Variants in GAB2 observed in about 807,000 individuals in gnomAD.
The protein encoded by GAB2 is GRB2 associated binding protein 2, also known as GRB2-associated-binding protein 2.
A neutral mutation model predicts 65.5 loss-of-function variants in GAB2; 26 were observed. That is an observed-to-expected ratio of 0.40 (90% CI 0.29 to 0.55). The LOEUF is 0.55. GAB2 is among the 20% of genes least tolerant of loss of function. The probability of loss-of-function intolerance (pLI) is 0.53; values close to 1 mark genes in which losing one functional copy is unlikely to be tolerated. For synonymous variants in GAB2, 321 were observed against 329.6 expected (o/e 0.97, Z 0.28); for missense variants, 884 against 875.8 (o/e 1.01, Z -0.12).
At chr11:78,352,075 T>C (rs929962272) in intron 1 of GAB2, among the ~76,000 whole-genome samples, 1 of 152,068 alleles carries the variant, frequency 6.6e-6, no homozygotes, top group Admixed American at 6.6e-5. Flanking sequence ...TAGCCAAGTG[T>C]GGTGGTGGGC....
chr11:78,233,542 T>C (rs907023447), intron 3 of GAB2, among the ~76,000 whole-genome samples: 1 of 152,232 alleles, frequency 6.6e-6, no homozygotes, highest in Non-Finnish European at 1.5e-5. Context: ...AGAAGTTCTT[T>C]ATATGGACCA....
chr11:78,226,656 A>G lies in GAB2; in HGVS notation c.1016T>C (p.Met339Thr). The G allele has an allele frequency of 6.2e-7, 1 of 1,613,900 alleles. No homozygotes were observed. ...TFTLDKNHNA[M>T]TVATPGDSAI... is the part of the protein sequence containing the mutation. ...TGAGTCCCCAGGAGTGGCCACTGTC[A>G]TGGCATTGTGGTTTTTGTCCAGAGT... Residue 339 changes from methionine to threonine, a missense_variant, in exon 4 of 10, where the codon ATG becomes ACG. Met to Thr is a moderately conservative substitution (Grantham distance 81). Transcript: ENST00000361507.
intron 1 of GAB2, among the ~76,000 whole-genome samples, chr11:78,407,953 A>G (rs1857076852): frequency 6.6e-6 from 1 of 152,194 alleles, no homozygotes; most frequent in African/African-American, 2.4e-5. Flanking sequence ...TCCAGTGAAA[A>G]TATCAGAATG....
chr11:78,367,994 T>C (rs537886261), intron 1 of GAB2, among the ~76,000 whole-genome samples: 1 of 152,182 alleles, frequency 6.6e-6, no homozygotes, highest in East Asian at 1.9e-4. Flanking sequence ...TTTTTTGTAT[T>C]TTTAGTAGAG....
chr11:78,403,895 ATTCAG>A (rs1448908985), intron 1 of GAB2, among the ~76,000 whole-genome samples: 2 of 152,234 alleles, frequency 1.3e-5, no homozygotes, highest in African/African-American at 4.8e-5. Flanking sequence ...ATATGCTGGC[ATTCAG>A]TTCTTTTTTT....
chr11:78,292,003 G>GCT, intron 1 of GAB2, among the ~76,000 whole-genome samples: 1 of 147,794 alleles, frequency 6.8e-6, no homozygotes, highest in South Asian at 2.2e-4. Context: ...GGTGTGTAGG[G>GCT]GTGTGTGTGT....
At chr11:78,282,353 C>T (rs1347961148) in intron 1 of GAB2, among the ~76,000 whole-genome samples, 1 of 151,048 alleles carries the variant, frequency 6.6e-6, no homozygotes, top group African/African-American at 2.4e-5. Flanking sequence ...GTCACCCAGG[C>T]TGGAGTGCAG....
At chr11:78,332,527 T>C (rs1855932414) in intron 1 of GAB2, among the ~76,000 whole-genome samples, 1 of 152,174 alleles carries the variant, frequency 6.6e-6, no homozygotes, top group Admixed American at 6.5e-5. Flanking sequence ...ATATCCTGAC[T>C]CAAATGATGA....
Position 78,222,210 on chromosome 11 carries a change from G to T in GAB2, c.1568-15C>A. The T allele has an allele frequency of 6.3e-7, 1 of 1,580,318 alleles. No homozygotes were observed. The highest frequency in any genetic ancestry group is 8.7e-7 in the Non-Finnish European group (1 of 1,149,192). On this transcript the variant is annotated splice_polypyrimidine_tract_variant and intron_variant, in intron 6 of 9. Transcript: ENST00000361507. ...TGTTGGCTTTGCTGGAGCAGGAAAAGAAAGTCTGGTAATCAGCCAGTAATG... is the reference window on the plus strand; with the variant it reads ...TGTTGGCTTTGCTGGAGCAGGAAAATAAAGTCTGGTAATCAGCCAGTAATG...
chr11:78,416,435 G>T lies in GAB2; in HGVS notation c.75+1211C>A, dbSNP rs560640053. Among the ~76,000 whole-genome samples, 9 of 152,320 alleles carry T rather than the reference G, an allele frequency of 5.9e-5. No individual in the cohort carries two copies. In the East Asian group the frequency reaches 1.4e-3, roughly 23 times the overall value. ...ATTCTGATCTGGGGAGCCAAGACAG[G>T]AAATTCTGGTAGGCTTCTGCCTCTC... On this transcript the variant is annotated intron_variant, in intron 1 of 9. Transcript: ENST00000361507.
chr11:78,275,730 A>C (rs529887404), intron 2 of GAB2, among the ~76,000 whole-genome samples: 3 of 152,234 alleles, frequency 2.0e-5, no homozygotes, highest in African/African-American at 7.2e-5. Context: ...ATATAGATGC[A>C]TATGTGTATA....
intron 1 of GAB2, among the ~76,000 whole-genome samples, chr11:78,291,873 T>C (rs996960674): frequency 6.6e-5 from 10 of 152,010 alleles, no homozygotes; most frequent in Non-Finnish European, 1.3e-4. Context: ...CCCTTATGTA[T>C]TTTTTAACTA....
At chr11:78,413,300 A>G (rs1231853798) in intron 1 of GAB2, among the ~76,000 whole-genome samples, 1 of 152,238 alleles carries the variant, frequency 6.6e-6, no homozygotes, top group African/African-American at 2.4e-5. Flanking sequence ...TATGACTATA[A>G]AGGAGCTTCA....
intron 1 of GAB2, among the ~76,000 whole-genome samples, chr11:78,296,050 C>A (rs1866813820): frequency 6.6e-6 from 1 of 152,176 alleles, no homozygotes; most frequent in African/African-American, 2.4e-5. Flanking sequence ...GCATTAGATT[C>A]TAATAAGGAG....
chr11:78,410,061 A>AT (rs1555002162), intron 1 of GAB2, among the ~76,000 whole-genome samples: 8 of 152,152 alleles, frequency 5.3e-5, no homozygotes, highest in South Asian at 4.1e-4. Flanking sequence ...AAGTAAAAAA[A>AT]ATATATATAT....
intron 1 of GAB2, among the ~76,000 whole-genome samples, chr11:78,368,147 T>C (rs1856522453): frequency 1.3e-5 from 2 of 152,216 alleles, no homozygotes; most frequent in African/African-American, 2.4e-5. Context: ...CTTTGTTCAC[T>C]TCTCACAGCA....
At chr11:78,404,038 A>C (rs1857008210) in intron 1 of GAB2, among the ~76,000 whole-genome samples, 2 of 152,186 alleles carry the variant, frequency 1.3e-5, no homozygotes, top group African/African-American at 2.4e-5. Context: ...CCCATAGAGA[A>C]CAGTATGATA....
At chr11:78,225,288 T>G (rs1864598485) in intron 4 of GAB2, 86 bp from the exon 5 acceptor site, 1 of 836,138 alleles carries the variant, frequency 1.2e-6, no homozygotes, top group Non-Finnish European at 2.0e-6. Flanking sequence ...TGGTTCAAGG[T>G]CTTACTGATA....
intron 1 of GAB2, among the ~76,000 whole-genome samples, chr11:78,413,943 C>G (rs1307876251): frequency 1.3e-5 from 2 of 151,956 alleles, no homozygotes; most frequent in African/African-American, 4.8e-5. Flanking sequence ...ACAAAATTAG[C>G]CAGGTGTGGT....
Sources: allele counts gnomAD v4.1 joint callset (sites outside exome capture counted in the v4.1 genomes callset), GRCh38; gene constraint gnomAD v4.1.1; transcripts MANE v1.5; gene names NCBI Gene and HGNC (gene_info 2026-07-23, HGNC 2026-07-21).